PTPRG: variants seen among roughly 807,000 people sequenced by gnomAD.
The protein encoded by PTPRG is protein tyrosine phosphatase receptor type G, also known as receptor-type tyrosine-protein phosphatase gamma.
A neutral mutation model predicts 165.3 loss-of-function variants in PTPRG; 102 were observed. The observed-to-expected ratio is 0.62, with a 90% confidence interval of 0.53 to 0.73. The LOEUF (loss-of-function observed/expected upper bound fraction) is 0.73. Ranked by LOEUF, PTPRG falls within the 30% of genes least tolerant of loss-of-function variation. The probability of loss-of-function intolerance (pLI) is 0.00; values close to 1 mark genes in which losing one functional copy is unlikely to be tolerated. For missense variants in PTPRG, 1,866 were observed against 1,861.4 expected (o/e 1.00, Z -0.05); for synonymous variants, 675 against 669.5 (o/e 1.01, Z -0.13).
chr3:62,059,117 C>G (rs1402718505), intron 4 of PTPRG, among the ~76,000 whole-genome samples: 2 of 152,198 alleles, frequency 1.3e-5, no homozygotes, highest in East Asian at 3.9e-4. Context: ...GAAGCAGTTT[C>G]TTAACCTTCC....
intron 1 of PTPRG, among the ~76,000 whole-genome samples, chr3:61,704,905 A>G (rs1200702990): frequency 6.6e-6 from 1 of 152,128 alleles, no homozygotes; most frequent in African/African-American, 2.4e-5. Context: ...GGCCCTTGCA[A>G]TTTGACAGTT....
chr3:62,008,950 T>C (rs958674376), intron 4 of PTPRG, among the ~76,000 whole-genome samples: 1 of 152,204 alleles, frequency 6.6e-6, no homozygotes, highest in Non-Finnish European at 1.5e-5. Context: ...CCATGTGCCA[T>C]GTATATTTCA....
At chr3:61,786,297 A>G (rs547067430) in intron 2 of PTPRG, among the ~76,000 whole-genome samples, 2 of 152,128 alleles carry the variant, frequency 1.3e-5, no homozygotes, top group African/African-American at 4.8e-5. Context: ...GATTATTCCT[A>G]GCTTTTAATC....
At position 61,899,790 on chromosome 3, in the gene PTPRG, A is replaced by AGTGGGATTCATCGGGATGTC. The variant is rs537222511; in HGVS notation, c.191-89826_191-89807dup. 5.3e-4 allele frequency among the ~76,000 whole-genome samples: 81 copies of AGTGGGATTCATCGGGATGTC among 152,334 alleles called. 1 individual carries two copies. In the East Asian group the frequency reaches 0.015, roughly 29 times the overall value. On this transcript the variant is annotated intron_variant, in intron 2 of 29. Coordinates refer to ENST00000474889, the MANE Select transcript of PTPRG (RefSeq NM_002841.4). ...AATTCTGAAATGGGGCCAATGTGTC[A>AGTGGGATTCATCGGGATGTC]GTGGGATTCATCGGGATGTCGTGGG...
intron 7 of PTPRG, 24 bp from the exon 8 acceptor site, chr3:62,167,947 T>A: frequency 6.4e-7 from 1 of 1,574,786 alleles, no homozygotes; most frequent in Non-Finnish European, 8.7e-7. Context: ...TTTTTCCCCC[T>A]CCCCTCTCTG....
At chr3:61,827,799 C>T (rs530239975) in intron 2 of PTPRG, among the ~76,000 whole-genome samples, 4 of 152,190 alleles carry the variant, frequency 2.6e-5, no homozygotes, top group South Asian at 4.1e-4. Context: ...ACTGGTGACC[C>T]TATCCTGATA....
intron 14 of PTPRG, among the ~76,000 whole-genome samples, chr3:62,241,434 T>TTTC (rs1338342988): frequency 3.3e-5 from 5 of 152,178 alleles, no homozygotes; most frequent in Non-Finnish European, 5.9e-5. Context: ...GTCCCCCAGG[T>TTTC]TTCTGATCCT....
chr3:61,720,250 A>G (rs529123614), intron 1 of PTPRG, among the ~76,000 whole-genome samples: 1 of 151,794 alleles, frequency 6.6e-6, no homozygotes, highest in Non-Finnish European at 1.5e-5. Flanking sequence ...CAGCCTCCCG[A>G]GTAGCTGGGA....
At chr3:61,563,521 C>T (rs145495059) in intron 1 of PTPRG, among the ~76,000 whole-genome samples, 4 of 152,242 alleles carry the variant, frequency 2.6e-5, no homozygotes, top group Admixed American at 6.5e-5. Flanking sequence ...CAAGTCCTGC[C>T]CTAGCCCGGG....
At position 61,949,599 on chromosome 3, in the gene PTPRG, A is replaced by G. The variant is rs187844979; in HGVS notation, c.191-40026A>G. On this transcript the variant is annotated intron_variant, in intron 2 of 29. Transcript: ENST00000474889. ...TAATTTCACATGGGAGGAATTTGTA[A>G]CAGAGAGGGGTTAAGCAACCAAGTT... is the stretch of plus-strand genomic sequence containing the variant. Among the ~76,000 whole-genome samples the G allele has an allele frequency of 1.2e-4, 19 of 152,308 alleles. No individual in the cohort carries two copies. The East Asian group carries it at 3.3e-3, about 26-fold the overall frequency.
rs532700283 is a variant in PTPRG at position 61,758,838 on chromosome 3, T to G, written c.190+9856T>G. Among the ~76,000 whole-genome samples the G allele has an allele frequency of 3.3e-5, 5 of 152,234 alleles. No individual in the cohort carries two copies. The South Asian group carries it at 1.0e-3, about 32-fold the overall frequency. ...GTAAGAAGAACGTAAGGAGGACCCATTTCACTGGATTGTGAACTTTTAGAA... is the reference window on the plus strand; with the variant it reads ...GTAAGAAGAACGTAAGGAGGACCCAGTTCACTGGATTGTGAACTTTTAGAA... On this transcript the variant is annotated intron_variant, in intron 2 of 29. Coordinates refer to ENST00000474889, the MANE Select transcript of PTPRG (RefSeq NM_002841.4).
intron 1 of PTPRG, among the ~76,000 whole-genome samples, chr3:61,571,739 C>A (rs202177777): frequency 2.0e-5 from 3 of 151,988 alleles, no homozygotes; most frequent in Non-Finnish European, 4.4e-5. Context: ...TGTAGTAATG[C>A]GGTATTTTTA....
chr3:62,204,345 G>A (rs933460459), intron 12 of PTPRG, among the ~76,000 whole-genome samples: 5 of 152,148 alleles, frequency 3.3e-5, no homozygotes, highest in African/African-American at 1.2e-4. Context: ...GCAGGGTGCT[G>A]TCCCAGGGGA....
At chr3:62,155,599 C>T (rs1187505514) in intron 6 of PTPRG, among the ~76,000 whole-genome samples, 1 of 152,206 alleles carries the variant, frequency 6.6e-6, no homozygotes, top group Non-Finnish European at 1.5e-5. Flanking sequence ...TGTAAATACT[C>T]AGAATAGTGC....
chr3:61,814,277 C>T (rs183383550), intron 2 of PTPRG, among the ~76,000 whole-genome samples: 3 of 152,254 alleles, frequency 2.0e-5, no homozygotes, highest in East Asian at 1.9e-4. Context: ...CCCTAACAAG[C>T]GGGTGAGCAG....
rs138062206 is a variant in PTPRG, at chr3:61,683,124, CATT to C, written c.86-65751_86-65749del. On this transcript the variant is annotated intron_variant, in intron 1 of 29. Transcript: ENST00000474889. ...GTCACACCTGGGCTGAAAAGTGAGT[CATT>C]ATGGAATCTTTGAGGTGTTTTTATT... is the stretch of plus-strand genomic sequence containing the variant. Among the ~76,000 whole-genome samples the C allele has an allele frequency of 3.2e-3, 482 of 152,288 alleles. 2 individuals are homozygous for C. Among genetic ancestry groups the C allele is most frequent in the African/African-American group, 0.011 (469 of 41,550 alleles).
At position 61,841,575 on chromosome 3, in the gene PTPRG, G is replaced by T. The variant is rs765396321; in HGVS notation, c.190+92593G>T. Among the ~76,000 whole-genome samples the T allele has an allele frequency of 4.4e-4, 67 of 151,738 alleles. 1 individual carries two copies. The highest frequency in any genetic ancestry group is 9.3e-4 in the Non-Finnish European group (63 of 67,764). On this transcript the variant is annotated intron_variant, in intron 2 of 29. Coordinates refer to ENST00000474889, the MANE Select transcript of PTPRG (RefSeq NM_002841.4). ...CAAGATGTGATTAAACTTAGCCCTC[G>T]TCCACCACCACCCCCACCTTACCCC...
intron 4 of PTPRG, among the ~76,000 whole-genome samples, chr3:62,023,323 A>C (rs2041740889): frequency 6.6e-6 from 1 of 152,222 alleles, no homozygotes; most frequent in South Asian, 2.1e-4. Context: ...TTAATCAAAA[A>C]CAGACTTATG....
rs564761041 is a variant in PTPRG, at chr3:62,166,197, C to CTTTTTTTTTTTTTTTTT, written c.841-1754_841-1738dup. The stretch of plus-strand genomic sequence containing the variant: ...TGGCTGCATATTTCAAATTACAGTT[C>CTTTTTTTTTTTTTTTTT]TTTTTTTTTTTTTTTTTTTTTTTTT... On this transcript the variant is annotated intron_variant, in intron 7 of 29. Transcript: ENST00000474889. Among the ~76,000 whole-genome samples the CTTTTTTTTTTTTTTTTT allele has an allele frequency of 1.1e-4, 6 of 53,900 alleles. 2 individuals are homozygous for CTTTTTTTTTTTTTTTTT. Among genetic ancestry groups the CTTTTTTTTTTTTTTTTT allele is most frequent in the African/African-American group, 2.2e-4 (3 of 13,362 alleles). The allele number at this position is 53,900 out of a possible 152,430, so 35.4% of individuals were successfully genotyped here.
Sources: gnomAD v4.1 joint callset for allele counts (sites outside exome capture counted in the v4.1 genomes callset) on GRCh38, gnomAD v4.1.1 for gene constraint, MANE v1.5 for transcripts, NCBI Gene and HGNC (gene_info 2026-07-23, HGNC 2026-07-21) for gene names.